The following PLB1 variants were observed in gnomAD, a reference collection of about 807,000 sequenced individuals.
PLB1 encodes the protein phospholipase B1, membrane-associated.
Under a neutral mutation model 227.4 loss-of-function variants are expected in PLB1, and 242 were observed. The observed-to-expected ratio is 1.06, with a 90% CI of 0.96 to 1.18. The LOEUF (loss-of-function observed/expected upper bound fraction) is 1.18. Ranked by LOEUF, PLB1 falls within the 50% of genes most tolerant of loss-of-function variation. The pLI is 0.00. For synonymous variants in PLB1, 757 were observed against 682.2 expected (o/e 1.11, Z -1.71); for missense variants, 1,858 against 1,816.3 (o/e 1.02, Z -0.42).
intron 21 of PLB1, 104 bp from the exon 22 acceptor site, chr2:28,578,003 C>G: frequency 8.7e-7 from 1 of 1,146,090 alleles, no homozygotes. Context: ...GCAGGAGGCC[C>G]ACCCTGGGCC....
chr2:28,547,760 A>G (rs1239591262), intron 14 of PLB1, among the ~76,000 whole-genome samples: 1 of 152,224 alleles, frequency 6.6e-6, no homozygotes, highest in Non-Finnish European at 1.5e-5. Flanking sequence ...TAGCCCGTGC[A>G]GAAGAAAATC....
In PLB1 at chr2:28,552,938, G is replaced by C; in HGVS notation, c.1094G>C (p.Gly365Ala). The change falls in exon 17 of 58, where the codon GGA (glycine) becomes GCA (alanine). Residue 365 changes from glycine to alanine, a missense_variant. Gly to Ala is a moderately conservative substitution (Grantham distance 60). Transcript: ENST00000327757. Reference sequence around the variant, plus strand: ...TGTGTCTCATTTCAGGTAAGAGAAGGAGCGGAAATCAGATGTCCTGACAAA... The same window carrying C: ...TGTGTCTCATTTCAGGTAAGAGAAGCAGCGGAAATCAGATGTCCTGACAAA... ...KPQDKLEVRE[G>A]AEIRCPDKDP... The C allele has an allele frequency of 6.2e-7, 1 of 1,613,846 alleles. No individual in the cohort carries two copies. The highest frequency in any genetic ancestry group is 8.5e-7 in the Non-Finnish European group (1 of 1,179,806).
chr2:28,504,908 G>C (rs185856630), intron 1 of PLB1, among the ~76,000 whole-genome samples: 1 of 152,046 alleles, frequency 6.6e-6, no homozygotes, highest in Admixed American at 6.5e-5. Flanking sequence ...ATCTTTTATT[G>C]CATGGTGCTC....
At chr2:28,544,588 G>C (rs1456958524) in intron 14 of PLB1, among the ~76,000 whole-genome samples, 1 of 152,218 alleles carries the variant, frequency 6.6e-6, no homozygotes, top group Non-Finnish European at 1.5e-5. Flanking sequence ...GTGTAGCTGG[G>C]AAGGGCCAGA....
At chr2:28,623,840 G>A (rs555492111) in intron 49 of PLB1, among the ~76,000 whole-genome samples, 3 of 152,322 alleles carry the variant, frequency 2.0e-5, no homozygotes, top group East Asian at 1.9e-4. Flanking sequence ...GGTGGCTCAC[G>A]CCTCTAATCC....
intron 52 of PLB1, 48 bp from the exon 53 acceptor site, chr2:28,629,046 C>T (rs772525177): frequency 2.0e-6 from 3 of 1,536,150 alleles, no homozygotes; most frequent in Middle Eastern, 1.7e-4. Context: ...CCAGGTTCCT[C>T]CCAGCAGTAG....
intron 56 of PLB1, chr2:28,633,408 A>G (rs1688920446): frequency 9.1e-6 from 2 of 220,798 alleles, no homozygotes; most frequent in African/African-American, 4.6e-5. Context: ...CAACATCTAT[A>G]AAACAGTGAA....
chr2:28,574,488 T>C (rs1214207236), intron 21 of PLB1, among the ~76,000 whole-genome samples: 2 of 149,362 alleles, frequency 1.3e-5, no homozygotes, highest in Non-Finnish European at 3.0e-5. Flanking sequence ...GTTCAAGGGA[T>C]TCTCCCATCT....
rs1276528153 is a variant in PLB1 at position 28,563,057 on chromosome 2, G to A, written c.1164G>A (p.Pro388=). 14 of 1,613,708 alleles carry A rather than the reference G, an allele frequency of 8.7e-6. No individual in the cohort carries two copies. The highest frequency in any genetic ancestry group is 6.7e-5 in the African/African-American group (5 of 74,890). ...TVPTSVHRLK[P]ADINVIGALG... ...TATTCTTAGTTCATAGGCTGAAGCCGGCTGACATCAACGTAATTGGAGCCC... is the reference window on the plus strand; with the variant it reads ...TATTCTTAGTTCATAGGCTGAAGCCAGCTGACATCAACGTAATTGGAGCCC... Residue 388 remains proline (P), a synonymous_variant, in exon 18 of 58, where the codon CCG becomes CCA. Coordinates refer to ENST00000327757, the MANE Select transcript of PLB1 (RefSeq NM_153021.5).
chr2:28,636,019 A>ATGTGTGTGTG (rs540787508), intron 56 of PLB1, among the ~76,000 whole-genome samples: 6 of 98,370 alleles, frequency 6.1e-5, no homozygotes, highest in African/African-American at 1.7e-4. Context: ...GTATGTATGA[A>ATGTGTGTGTG]TGTGTGTGTA....
rs199936505 is a variant in PLB1 at position 28,523,335 on chromosome 2, GTT to G, written c.244-1910_244-1909del. 8.5e-3 allele frequency among the ~76,000 whole-genome samples: 994 copies of G among 116,846 alleles called. 8 individuals carry two copies. Among genetic ancestry groups the G allele is most frequent in the African/African-American group, 0.028 (899 of 31,658 alleles). 76.7% of individuals were successfully genotyped at this position (116,846 alleles called of 152,430 possible). ...CATACTGCAATATCTTATCTGCGAG[GTT>G]TTTTTTTTTTTTTTTTTTTTTCTAA... On this transcript the variant is annotated intron_variant, in intron 4 of 57. Coordinates refer to ENST00000327757, the MANE Select transcript of PLB1 (RefSeq NM_153021.5).
chr2:28,567,705 T>C (rs554360978), intron 20 of PLB1, among the ~76,000 whole-genome samples: 21 of 152,154 alleles, frequency 1.4e-4, no homozygotes, highest in East Asian at 9.7e-4. Flanking sequence ...ATTTCCTGAC[T>C]TCGTGATCTG....
intron 53 of PLB1, 82 bp downstream of exon 53, chr2:28,629,267 A>C: frequency 8.2e-7 from 1 of 1,223,990 alleles, no homozygotes. Context: ...AGACCAGTTG[A>C]GGCAGAGCCA....
At chr2:28,637,299 T>TAAA (rs34972015) in intron 56 of PLB1, among the ~76,000 whole-genome samples, 28 of 131,152 alleles carry the variant, frequency 2.1e-4, no homozygotes, top group African/African-American at 6.1e-4. Flanking sequence ...GTCTCAAATT[T>TAAA]AAAAAAAAAA....
intron 6 of PLB1, 61 bp from the exon 7 acceptor site, chr2:28,529,256 A>G: frequency 2.6e-6 from 3 of 1,165,802 alleles, no homozygotes; most frequent in Admixed American, 1.7e-5. Context: ...TAGGTAGGTC[A>G]GTCTTTAGAG....
chr2:28,545,483 G>A (rs12467291), intron 14 of PLB1, among the ~76,000 whole-genome samples: 61,321 of 151,926 alleles, frequency 0.4, 12,773 homozygotes, highest in South Asian at 0.48. Flanking sequence ...AGGTTAGGGC[G>A]AAGGGCACTG....
intron 57 of PLB1, 62 bp from the exon 58 acceptor site, chr2:28,642,796 T>G: frequency 2.5e-5 from 35 of 1,427,620 alleles, no homozygotes; most frequent in Non-Finnish European, 3.4e-5. Flanking sequence ...TAGGCAAGTC[T>G]TGGCTTGGTG....
intron 7 of PLB1, 59 bp from the exon 8 acceptor site, chr2:28,529,669 C>T (rs1670749944): frequency 6.5e-7 from 1 of 1,539,232 alleles, no homozygotes. Flanking sequence ...GGGCAAGCTT[C>T]CAGCCCTTAA....
chr2:28,628,708 TG>T, intron 52 of PLB1, 80 bp downstream of exon 52: 5 of 1,391,390 alleles, frequency 3.6e-6, no homozygotes, highest in Non-Finnish European at 5.1e-6. Context: ...TTCAGTGAGA[TG>T]CTCACGGAGC....
Sources: gnomAD v4.1 joint callset for allele counts (sites outside exome capture counted in the v4.1 genomes callset) on GRCh38, gnomAD v4.1.1 for gene constraint, MANE v1.5 for transcripts, NCBI Gene and HGNC (gene_info 2026-07-23, HGNC 2026-07-21) for gene names.